The following VTCN1 variants were observed in gnomAD, a reference collection of about 807,000 sequenced individuals.
VTCN1 encodes V-set domain-containing T-cell activation inhibitor 1.
VTCN1 carries 26 observed loss-of-function variants against 26.5 expected under a neutral mutation model. The ratio of observed to expected loss-of-function variants is 0.98; its 90% CI spans 0.72 to 1.36. The LOEUF is 1.36. Ranked by LOEUF, VTCN1 falls within the 40% of genes most tolerant of loss-of-function variation. The pLI is 0.00. For synonymous variants in VTCN1, 116 were observed against 130.7 expected (o/e 0.89, Z 0.77); for missense variants, 298 against 337.7 (o/e 0.88, Z 0.92).
At chr1:117,185,771 C>T (rs1222857620) in intron 1 of VTCN1, among the ~76,000 whole-genome samples, 1 of 152,016 alleles carries the variant, frequency 6.6e-6, no homozygotes, top group Non-Finnish European at 1.5e-5. Flanking sequence ...GATAGTAACT[C>T]TTTCAACCAT....
intron 2 of VTCN1, among the ~76,000 whole-genome samples, chr1:117,166,749 A>G (rs1335382975): frequency 2.0e-5 from 3 of 151,872 alleles, no homozygotes; most frequent in South Asian, 2.1e-4. Context: ...TTTAAAAGTT[A>G]TTCCAAAATA....
At chr1:117,174,034 A>G (rs1211100384) in intron 1 of VTCN1, among the ~76,000 whole-genome samples, 1 of 147,888 alleles carries the variant, frequency 6.8e-6, no homozygotes, top group South Asian at 2.2e-4. Context: ...AGCAGGAACT[A>G]CCAGAGCAGC....
intron 1 of VTCN1, among the ~76,000 whole-genome samples, chr1:117,192,400 T>C (rs1648290397): frequency 6.6e-6 from 1 of 152,178 alleles, no homozygotes; most frequent in Admixed American, 6.5e-5. Flanking sequence ...TAAAGAAGGT[T>C]TCTCAAGTTG....
chr1:117,177,513 T>G (rs1303718217), intron 1 of VTCN1, among the ~76,000 whole-genome samples: 1 of 152,094 alleles, frequency 6.6e-6, no homozygotes, highest in Non-Finnish European at 1.5e-5. Flanking sequence ...TTGAGGGGTG[T>G]GTGTGGAAGA....
At chr1:117,149,099 C>T (rs998887844) in intron 4 of VTCN1, among the ~76,000 whole-genome samples, 1 of 152,162 alleles carries the variant, frequency 6.6e-6, no homozygotes, top group Non-Finnish European at 1.5e-5. Flanking sequence ...AAAGATGACA[C>T]TGGTGGGGAT....
chr1:117,174,691 C>T lies in VTCN1; in HGVS notation c.33-4520G>A, dbSNP rs183026865. 3.6e-3 allele frequency among the ~76,000 whole-genome samples: 549 copies of T among 152,068 alleles called. 4 individuals carry two copies. The highest frequency in any genetic ancestry group is 0.012 in the African/African-American group (486 of 41,482). On this transcript the variant is annotated intron_variant, in intron 1 of 5. Transcript: ENST00000369458. ...CTGGGGCAGGAGAATTGCTTGAGCC[C>T]GGGAGGTGGAGATTACAATGAGCCA... is the stretch of plus-strand genomic sequence containing the variant.
At position 117,160,254 on chromosome 1, in the gene VTCN1, T is replaced by G. The variant is rs565122294; in HGVS notation, c.98-3333A>C. 8.5e-5 allele frequency among the ~76,000 whole-genome samples: 13 copies of G among 152,304 alleles called. 1 individual carries two copies. The South Asian group carries it at 2.5e-3, about 29-fold the overall frequency. On this transcript the variant is annotated intron_variant, in intron 2 of 5. Transcript: ENST00000369458. ...CAGGTCTAGTTCCTGTCCTAATCTCTGCACATCCTTTAAACAACACCTGAT... is the reference window on the plus strand; with the variant it reads ...CAGGTCTAGTTCCTGTCCTAATCTCGGCACATCCTTTAAACAACACCTGAT...
chr1:117,174,110 G>T (rs1281159741), intron 1 of VTCN1, among the ~76,000 whole-genome samples: 1 of 152,052 alleles, frequency 6.6e-6, no homozygotes, highest in Non-Finnish European at 1.5e-5. Flanking sequence ...TCACTTCAGG[G>T]GTTCTTACAT....
At chr1:117,148,469 A>G (rs928897254) in intron 4 of VTCN1, among the ~76,000 whole-genome samples, 8 of 152,224 alleles carry the variant, frequency 5.3e-5, no homozygotes, top group African/African-American at 1.4e-4. Flanking sequence ...TAAGCACTCC[A>G]TAAGTACTGG....
intron 3 of VTCN1, among the ~76,000 whole-genome samples, chr1:117,154,725 G>A (rs1486993141): frequency 6.7e-6 from 1 of 148,160 alleles, no homozygotes; most frequent in Non-Finnish European, 1.5e-5. Flanking sequence ...GCAGGTTGCT[G>A]TGAGCCGAGA....
intron 1 of VTCN1, among the ~76,000 whole-genome samples, chr1:117,192,448 A>C (rs145004649): frequency 6.6e-6 from 1 of 152,224 alleles, no homozygotes; most frequent in African/African-American, 2.4e-5. Flanking sequence ...GAAAGCATAT[A>C]AAAGTATAAA....
At chr1:117,168,719 T>C (rs772140059) in intron 2 of VTCN1, among the ~76,000 whole-genome samples, 2 of 152,062 alleles carry the variant, frequency 1.3e-5, no homozygotes, top group Non-Finnish European at 2.9e-5. Flanking sequence ...AATACCCCAA[T>C]AGAAAAAAAT....
intron 2 of VTCN1, 75 bp downstream of exon 2, chr1:117,170,032 A>G: frequency 1.4e-6 from 2 of 1,393,624 alleles, no homozygotes; most frequent in Non-Finnish European, 2.0e-6. Context: ...GGCTCTTTCC[A>G]TGCTAACGCA....
Position 117,147,484 on chromosome 1 carries a change from AAAT to A in VTCN1, c.*45+126_*45+128del. ...TGATTACCTTTCCCAGTACTAGTGG[AAAT>A]AATGTCACAGCCCTGGTGTCATTAA... On this transcript the variant is annotated intron_variant, in intron 5 of 5. Transcript: ENST00000369458. The surrounding 1 kb of genome is among the most constrained non-coding windows in gnomAD (Gnocchi z 4.6). 1 of 735,750 alleles carries A rather than the reference AAAT, an allele frequency of 1.4e-6. No homozygotes were observed. Among genetic ancestry groups the A allele is most frequent in the East Asian group, 3.0e-5 (1 of 33,766 alleles). 45.6% of individuals were successfully genotyped at this position (735,750 alleles called of 1,614,324 possible).
chr1:117,153,429 C>T, intron 3 of VTCN1, 60 bp from the exon 4 acceptor site: 1 of 1,521,602 alleles, frequency 6.6e-7, no homozygotes, highest in Non-Finnish European at 8.8e-7. Context: ...GACAATATAG[C>T]CTTTGAAGCG....
intron 1 of VTCN1, among the ~76,000 whole-genome samples, chr1:117,171,816 A>G (rs1570959570): frequency 6.6e-6 from 1 of 152,210 alleles, no homozygotes; most frequent in African/African-American, 2.4e-5. Context: ...ACAGTTGGCA[A>G]GTGGCAGAGC....
chr1:117,187,896 G>A (rs1310559523), intron 1 of VTCN1, among the ~76,000 whole-genome samples: 1 of 150,962 alleles, frequency 6.6e-6, no homozygotes, highest in Non-Finnish European at 1.5e-5. Context: ...ACTAAAAAAA[G>A]GGGGGATCTT....
intron 2 of VTCN1, among the ~76,000 whole-genome samples, chr1:117,164,900 C>G (rs1032837313): frequency 3.9e-5 from 6 of 152,144 alleles, no homozygotes; most frequent in Admixed American, 2.0e-4. Context: ...AATGGTCCAC[C>G]GCAAATGCAT....
intron 1 of VTCN1, among the ~76,000 whole-genome samples, chr1:117,181,124 T>C (rs1008957954): frequency 6.6e-6 from 1 of 152,148 alleles, no homozygotes. Context: ...AAACTATAAA[T>C]GTTAATTCTT....
Sources: allele counts gnomAD v4.1 joint callset (sites outside exome capture counted in the v4.1 genomes callset), GRCh38; gene constraint gnomAD v4.1.1; non-coding constraint Gnocchi (gnomAD v3.1); transcripts MANE v1.5; gene names NCBI Gene and HGNC (gene_info 2026-07-23, HGNC 2026-07-21).